The following SDK2 variants were observed in gnomAD, a reference collection of about 807,000 sequenced individuals.
SDK2 encodes protein sidekick-2.
In SDK2, 105 loss-of-function variants were observed where a neutral mutation model predicts 253.9. The observed-to-expected ratio is 0.41, with a 90% CI of 0.35 to 0.49. The LOEUF (loss-of-function observed/expected upper bound fraction) is 0.49, where lower values mean the gene tolerates loss of function less well. SDK2 is among the 20% of genes least tolerant of loss of function. SDK2 has a pLI of 0.06. For synonymous variants in SDK2, 1,249 were observed against 1,234.9 expected, an observed-to-expected ratio of 1.01 and a Z score of -0.24; for missense variants, 2,608 against 3,003.0, an observed-to-expected ratio of 0.87 and a Z score of 3.07.
At chr17:73,574,047 T>G (rs1599691596) in intron 1 of SDK2, among the ~76,000 whole-genome samples, 1 of 152,328 alleles carries the variant, frequency 6.6e-6, no homozygotes, top group African/African-American at 2.4e-5. Flanking sequence ...TTCCTGACAC[T>G]ACCGCTCACA....
chr17:73,480,112 C>G (rs916470494), intron 2 of SDK2, among the ~76,000 whole-genome samples: 21 of 152,212 alleles, frequency 1.4e-4, no homozygotes, highest in African/African-American at 4.8e-4. Context: ...CACAGTACTG[C>G]AGAGGCAGTG....
intron 1 of SDK2, among the ~76,000 whole-genome samples, chr17:73,580,951 G>A (rs1318090735): frequency 6.6e-6 from 1 of 152,150 alleles, no homozygotes; most frequent in Non-Finnish European, 1.5e-5. Flanking sequence ...GGAGTGCAGT[G>A]GTATGAATAC....
At position 73,379,301 on chromosome 17, in the gene SDK2, C is replaced by T. The variant is rs759474742; in HGVS notation, c.4865-9G>A. 8.4e-6 allele frequency: 12 copies of T among 1,431,748 alleles called. No homozygotes were observed. Among genetic ancestry groups the T allele is most frequent in the East Asian group, 3.3e-5 (1 of 30,458 alleles). The allele number at this position is 1,431,748 out of a possible 1,614,324, so 88.7% of individuals were successfully genotyped here. ...AGGTGCTGCTGTGGGCACTGGAGGG[C>T]GTGCAGGGTAGGCAGTGAGCATGCG... On this transcript the variant is annotated splice_polypyrimidine_tract_variant and intron_variant, in intron 35 of 44. Coordinates refer to ENST00000392650, the MANE Select transcript of SDK2 (RefSeq NM_001144952.2). This position sits in a 1 kb window ranked among gnomAD's most constrained non-coding sequence, Gnocchi z 4.5.
At chr17:73,357,850 C>T in intron 40 of SDK2, 9 of 673,720 alleles carry the variant, frequency 1.3e-5, no homozygotes, top group Middle Eastern at 2.5e-4. Context: ...CCTCAGTTAG[C>T]ACTAACAGCC....
chr17:73,520,397 A>T (rs1234915017), intron 1 of SDK2: 1 of 152,208 alleles, frequency 6.6e-6, no homozygotes, highest in Non-Finnish European at 1.5e-5. Context: ...TTTTAGAAGG[A>T]GCTTCTGGAC....
chr17:73,562,506 G>A (rs916440857), intron 1 of SDK2, among the ~76,000 whole-genome samples: 16 of 152,140 alleles, frequency 1.1e-4, no homozygotes, highest in African/African-American at 3.9e-4. Flanking sequence ...CAACAGCCAC[G>A]TGGAATCTGG....
chr17:73,627,145 C>T (rs754751119), intron 1 of SDK2, among the ~76,000 whole-genome samples: 3 of 152,098 alleles, frequency 2.0e-5, no homozygotes, highest in Non-Finnish European at 4.4e-5. Context: ...TGAAAGGATT[C>T]GATGTGTTAA....
At chr17:73,636,680 CAAAAAAAAAAAAAAAAAAAAAA>C (rs561026344) in intron 1 of SDK2, among the ~76,000 whole-genome samples, 40 of 51,000 alleles carry the variant, frequency 7.8e-4, no homozygotes, top group Admixed American at 2.6e-3. Context: ...GACTCTGTCT[CAAAAAAAAAAAAAAAAAAAAAA>C]AAAAGAAAAG....
chr17:73,394,154 G>C (rs1402163075), intron 26 of SDK2, 55 bp downstream of exon 26: 4 of 1,096,124 alleles, frequency 3.6e-6, no homozygotes, highest in Non-Finnish European at 5.1e-6. Flanking sequence ...CCCTTGGATG[G>C]AGAGGCTGGA....
At chr17:73,420,411 A>C in intron 15 of SDK2, among the ~76,000 whole-genome samples, 1 of 152,214 alleles carries the variant, frequency 6.6e-6, no homozygotes, top group East Asian at 1.9e-4. Flanking sequence ...ACCTCACTGC[A>C]ACCTCTGCCT....
intron 2 of SDK2, among the ~76,000 whole-genome samples, chr17:73,492,494 C>T (rs913248570): frequency 2.6e-5 from 4 of 152,276 alleles, no homozygotes; most frequent in Admixed American, 6.5e-5. Context: ...ACAGCCTCTT[C>T]CTTCTCCAGC....
rs144767155 is a variant in SDK2, at chr17:73,386,485, C to A, written c.4458G>T (p.Glu1486Asp). The change falls in exon 31 of 45, where the codon GAG (glutamate) becomes GAT (aspartate). Residue 1486 changes from glutamate (E) to aspartate (D), a missense_variant. By Grantham distance (45) the Glu-to-Asp change is conservative. Coordinates refer to ENST00000392650, the MANE Select transcript of SDK2 (RefSeq NM_001144952.2). ...TCAGTGACTCCGACTCCTCGCTGAA[C>A]TCGCTGTCGCCAATGTCATTGGTCG... ...VKATNDIGDS[E>D]FSEESESLTT... 3.2e-6 allele frequency: 5 copies of A among 1,562,068 alleles called. No individual in the cohort carries two copies. In the African/African-American group the frequency reaches 5.4e-5, roughly 17 times the overall value.
chr17:73,521,622 T>C (rs1471011187), intron 1 of SDK2, among the ~76,000 whole-genome samples: 1 of 152,168 alleles, frequency 6.6e-6, no homozygotes, highest in Admixed American at 6.5e-5. Flanking sequence ...CTCTGGGTTC[T>C]GGAGGGTGGG....
At chr17:73,449,163 G>T (rs1352096442) in intron 4 of SDK2, among the ~76,000 whole-genome samples, 1 of 152,142 alleles carries the variant, frequency 6.6e-6, no homozygotes, top group Admixed American at 6.5e-5. Context: ...CAGGAAGCTG[G>T]AGGCTCCATG....
rs545476944 is a variant in SDK2, at chr17:73,460,310, C to T, written c.332-4257G>A. On this transcript the variant is annotated intron_variant, in intron 3 of 44. Transcript: ENST00000392650. Reference sequence around the variant, plus strand: ...CCAACGCTGGACATGTGAACAAACACGTGCGCCCTGAGAGGACTTCAGCCC... The same window carrying T: ...CCAACGCTGGACATGTGAACAAACATGTGCGCCCTGAGAGGACTTCAGCCC... Among the ~76,000 whole-genome samples the T allele has an allele frequency of 9.2e-5, 14 of 152,290 alleles. No individual in the cohort carries two copies. The South Asian group carries it at 1.9e-3, about 20-fold the overall frequency.
chr17:73,546,113 G>T (rs1246393727), intron 1 of SDK2, among the ~76,000 whole-genome samples: 2 of 152,054 alleles, frequency 1.3e-5, no homozygotes, highest in South Asian at 4.1e-4. Flanking sequence ...GGGGGCGGGG[G>T]GTGAGGAGAG....
intron 1 of SDK2, among the ~76,000 whole-genome samples, chr17:73,551,260 C>G (rs1480749026): frequency 6.6e-6 from 1 of 152,190 alleles, no homozygotes; most frequent in African/African-American, 2.4e-5. Context: ...GTGATAAATG[C>G]CCACACGCTC....
At chr17:73,347,475 T>C (rs2062494507) in intron 44 of SDK2, among the ~76,000 whole-genome samples, 1 of 152,180 alleles carries the variant, frequency 6.6e-6, no homozygotes, top group Admixed American at 6.6e-5. Context: ...GGTCCAGCCT[T>C]CTCAGCTCTG....
At chr17:73,615,466 G>T (rs954932967) in intron 1 of SDK2, among the ~76,000 whole-genome samples, 4 of 152,180 alleles carry the variant, frequency 2.6e-5, no homozygotes, top group African/African-American at 7.2e-5. Context: ...GCAGAGTCCA[G>T]GTCTTTGCAT....
Sources: allele counts gnomAD v4.1 joint callset (sites outside exome capture counted in the v4.1 genomes callset), GRCh38; gene constraint gnomAD v4.1.1; non-coding constraint Gnocchi (gnomAD v3.1); transcripts MANE v1.5; gene names NCBI Gene and HGNC (gene_info 2026-07-23, HGNC 2026-07-21).